Variants in NIPA1 observed in about 807,000 individuals in gnomAD.
NIPA1 encodes the protein magnesium transporter NIPA1.
A neutral mutation model predicts 23.9 loss-of-function variants in NIPA1; 13 were observed. The ratio of observed to expected loss-of-function variants is 0.54; its 90% CI spans 0.35 to 0.87. NIPA1 has a LOEUF of 0.87. NIPA1 is among the 40% of genes least tolerant of loss of function. The pLI, the probability that NIPA1 is intolerant of heterozygous loss-of-function variation, is 0.01. For missense variants in NIPA1, 362 were observed against 429.7 expected (o/e 0.84, Z 1.39); for synonymous variants, 234 against 202.9 (o/e 1.15, Z -1.30).
At chr15:22,823,601 A>G in intron 4 of NIPA1, 127 bp from the exon 5 acceptor site, 1 of 866,656 alleles carries the variant, frequency 1.2e-6, no homozygotes, top group East Asian at 2.6e-5. Flanking sequence ...CATGCTCCCC[A>G]GGGCTGTGCC....
chr15:22,797,269 G>A (rs1466526838), intron 1 of NIPA1, among the ~76,000 whole-genome samples: 2 of 151,734 alleles, frequency 1.3e-5, no homozygotes, highest in African/African-American at 2.4e-5. Context: ...GAGTGCAGTG[G>A]TGTGATCTCT....
intron 1 of NIPA1, among the ~76,000 whole-genome samples, chr15:22,799,943 CAAAAAAAAAAAAAAAA>C (rs61174589): frequency 4.3e-5 from 2 of 47,012 alleles, no homozygotes; most frequent in East Asian, 1.7e-3. Context: ...GACCCTGTCT[CAAAAAAAAAAAAAAAA>C]AAAAAAAAAA....
At chr15:22,810,690 C>T (rs1334636198) in intron 1 of NIPA1, 59 bp from the exon 2 acceptor site, 1 of 981,744 alleles carries the variant, frequency 1.0e-6, no homozygotes, top group Non-Finnish European at 1.7e-6. Context: ...TAAACCTCTT[C>T]CTGATATACG....
chr15:22,793,417 C>A (rs12911283), intron 1 of NIPA1, among the ~76,000 whole-genome samples: 37,565 of 148,166 alleles, frequency 0.25, 5,163 homozygotes, highest in Admixed American at 0.35. Context: ...AGTCATTCTG[C>A]CCTGCTGTCA....
chr15:22,814,773 AT>A (rs917511202), intron 3 of NIPA1, among the ~76,000 whole-genome samples: 25 of 152,206 alleles, frequency 1.6e-4, no homozygotes, highest in African/African-American at 5.8e-4. Flanking sequence ...AGGAAACAGG[AT>A]TAAGTATAAC....
chr15:22,808,957 G>T (rs28575495), intron 1 of NIPA1, among the ~76,000 whole-genome samples: 1 of 151,796 alleles, frequency 6.6e-6, no homozygotes, highest in African/African-American at 2.4e-5. Flanking sequence ...GGTGTGAGCC[G>T]CCGGGCCCAG....
chr15:22,786,815 C>A lies in NIPA1; in HGVS notation c.159C>A (p.Ile53=). The part of the protein sequence containing the change: ...GSTFVLQKKG[I]VRAKRRGTSY... ...CGTTCGTGCTACAGAAGAAGGGCATCGTGCGTGCCAAGCGGCGAGGTAGGG... is the reference window on the plus strand; with the variant it reads ...CGTTCGTGCTACAGAAGAAGGGCATAGTGCGTGCCAAGCGGCGAGGTAGGG... Residue 53 remains isoleucine, a synonymous_variant, in exon 1 of 5, where the codon ATC becomes ATA. Coordinates refer to ENST00000337435, the MANE Select transcript of NIPA1 (RefSeq NM_144599.5). 1 of 1,222,170 alleles carries A rather than the reference C, an allele frequency of 8.2e-7. No individual in the cohort carries two copies. The allele number at this position is 1,222,170 out of a possible 1,614,324, so 75.7% of individuals were successfully genotyped here.
chr15:22,798,849 A>C (rs1352584257), intron 1 of NIPA1, among the ~76,000 whole-genome samples: 7 of 151,352 alleles, frequency 4.6e-5, no homozygotes, highest in East Asian at 2.0e-4. Flanking sequence ...AAAAAAAAAA[A>C]AAAAAAAAAA....
chr15:22,829,183 T>A lies in NIPA1; in HGVS notation c.*4944T>A, dbSNP rs759211372. 1 of 152,224 alleles carries A rather than the reference T, an allele frequency of 6.6e-6. No homozygotes were observed. The highest frequency in any genetic ancestry group is 1.5e-5 in the Non-Finnish European group (1 of 68,034). The allele number at this position is 152,224 out of a possible 1,614,324, so 9.4% of individuals were successfully genotyped here. On this transcript the variant is annotated 3_prime_UTR_variant, in exon 5 of 5. Coordinates refer to ENST00000337435, the MANE Select transcript of NIPA1 (RefSeq NM_144599.5). ...GAAAGATCACCTTCCGATGGTGTGATGTGCTCCTGACATTCGGCCGAGGTC... is the reference window on the plus strand; with the variant it reads ...GAAAGATCACCTTCCGATGGTGTGAAGTGCTCCTGACATTCGGCCGAGGTC...
chr15:22,801,718 T>C (rs1019882058), intron 1 of NIPA1, among the ~76,000 whole-genome samples: 3 of 151,876 alleles, frequency 2.0e-5, no homozygotes, highest in Admixed American at 2.0e-4. Flanking sequence ...GGTTTCACCA[T>C]ATTGGCCAGG....
chr15:22,815,932 A>T (rs1895404960), intron 3 of NIPA1, among the ~76,000 whole-genome samples: 1 of 152,190 alleles, frequency 6.6e-6, no homozygotes, highest in Non-Finnish European at 1.5e-5. Flanking sequence ...TAGGCATAGA[A>T]AATAACTTCC....
intron 3 of NIPA1, among the ~76,000 whole-genome samples, chr15:22,814,502 A>G (rs1895378137): frequency 6.6e-6 from 1 of 152,110 alleles, no homozygotes; most frequent in Non-Finnish European, 1.5e-5. Context: ...CGCCTGGCCA[A>G]TATGTATGTA....
rs759921621 is a variant in NIPA1 at position 22,823,684 on chromosome 15, G to T, written c.479-44G>T. 4.5e-6 allele frequency: 7 copies of T among 1,565,738 alleles called. No individual in the cohort carries two copies. In the East Asian group the frequency reaches 1.6e-4, roughly 37 times the overall value. On this transcript the variant is annotated intron_variant, in intron 4 of 4. Coordinates refer to ENST00000337435, the MANE Select transcript of NIPA1 (RefSeq NM_144599.5). Reference sequence around the variant, plus strand: ...CCAGTCCACCTCCTGGGTTGCGGCTGCTAGGCGGTGGCTCCGGGTGACTGT... The same window carrying T: ...CCAGTCCACCTCCTGGGTTGCGGCTTCTAGGCGGTGGCTCCGGGTGACTGT...
intron 1 of NIPA1, among the ~76,000 whole-genome samples, chr15:22,797,445 C>T (rs1432207131): frequency 6.6e-6 from 1 of 151,794 alleles, no homozygotes; most frequent in South Asian, 2.1e-4. Flanking sequence ...ATCTCCTGAC[C>T]TCGTGATCCA....
intron 1 of NIPA1, among the ~76,000 whole-genome samples, chr15:22,805,084 C>T (rs747440720): frequency 3.3e-5 from 5 of 152,178 alleles, no homozygotes; most frequent in Admixed American, 2.0e-4. Flanking sequence ...TCATGATCCA[C>T]CTGCCTCAGC....
rs1403098254 is a variant in NIPA1, at chr15:22,827,275, G to T, written c.*3036G>T. ...CTGAATATTTGCATTTGAAAGGATT[G>T]CTTCCTGTTCTGCTCATTGATCAAA... On this transcript the variant is annotated 3_prime_UTR_variant, in exon 5 of 5. Transcript: ENST00000337435. The T allele has an allele frequency of 6.6e-6, 1 of 152,138 alleles. No homozygotes were observed. The highest frequency in any genetic ancestry group is 1.5e-5 in the Non-Finnish European group (1 of 68,022). 9.4% of individuals were successfully genotyped at this position (152,138 alleles called of 1,614,324 possible). A position where few individuals can be genotyped will look rare whatever the true frequency, so the allele number is the denominator to read the frequency against.
intron 1 of NIPA1, among the ~76,000 whole-genome samples, chr15:22,791,412 G>A (rs1047104694): frequency 6.6e-6 from 1 of 151,622 alleles, no homozygotes; most frequent in Non-Finnish European, 1.5e-5. Flanking sequence ...CTCATCTTCA[G>A]GGGAGTCAAG....
intron 1 of NIPA1, among the ~76,000 whole-genome samples, chr15:22,792,405 C>T (rs180879391): frequency 6.6e-6 from 1 of 151,924 alleles, no homozygotes; most frequent in Admixed American, 6.5e-5. Flanking sequence ...GTTGCCCAGG[C>T]TGGAGTGCAG....
At chr15:22,797,349 A>G (rs1189952448) in intron 1 of NIPA1, among the ~76,000 whole-genome samples, 1 of 151,880 alleles carries the variant, frequency 6.6e-6, no homozygotes, top group Non-Finnish European at 1.5e-5. Flanking sequence ...AGCTGGGACT[A>G]CAGGCGCCCG....
Sources: allele counts gnomAD v4.1 joint callset (sites outside exome capture counted in the v4.1 genomes callset), GRCh38; gene constraint gnomAD v4.1.1; transcripts MANE v1.5; gene names NCBI Gene and HGNC (gene_info 2026-07-23, HGNC 2026-07-21).